DOK5: variants seen among roughly 807,000 people sequenced by gnomAD.
The protein encoded by DOK5 is downstream of tyrosine kinase 5.
A neutral mutation model predicts 43.3 loss-of-function variants in DOK5; 27 were observed. The observed-to-expected ratio is 0.62, with a 90% CI of 0.46 to 0.86. The LOEUF (loss-of-function observed/expected upper bound fraction) is 0.86, where lower values mean the gene tolerates loss of function less well. Ranked by LOEUF, DOK5 falls within the 40% of genes least tolerant of loss-of-function variation. DOK5 has a pLI of 0.00. For synonymous variants in DOK5, 146 were observed against 140.1 expected, an observed-to-expected ratio of 1.04 and a Z score of -0.30; for missense variants, 373 against 392.9, an observed-to-expected ratio of 0.95 and a Z score of 0.43.
In DOK5 at chr20:54,554,793, T is replaced by A. The variant is rs542655310; in HGVS notation, c.67-140T>A. ...GCCCGTTGTGGAAACAATTTTGATT[T>A]TTAAAACTTTATTTTCACAAAGCAA... On this transcript the variant is annotated intron_variant, in intron 1 of 7. Transcript: ENST00000262593. 3.2e-4 allele frequency: 196 copies of A among 608,078 alleles called. 2 individuals are homozygous for A. The African/African-American group carries it at 3.3e-3, about 10-fold the overall frequency. 37.7% of individuals were successfully genotyped at this position (608,078 alleles called of 1,614,324 possible).
chr20:54,641,596 TC>T (rs1408368675), intron 6 of DOK5, among the ~76,000 whole-genome samples: 69 of 151,894 alleles, frequency 4.5e-4, no homozygotes, highest in African/African-American at 1.7e-3. Flanking sequence ...TCTCCATTTT[TC>T]CCCTTTACCT....
chr20:54,519,375 C>G (rs968198734), intron 1 of DOK5, among the ~76,000 whole-genome samples: 6 of 152,062 alleles, frequency 3.9e-5, no homozygotes, highest in Non-Finnish European at 8.8e-5. Flanking sequence ...GGTATTAGAT[C>G]TATTTCTTTT....
chr20:54,502,241 G>A (rs2146679159), intron 1 of DOK5, among the ~76,000 whole-genome samples: 1 of 152,200 alleles, frequency 6.6e-6, no homozygotes, highest in African/African-American at 2.4e-5. Context: ...ATTCATTTGT[G>A]GATCCATGTA....
chr20:54,533,347 G>A (rs904142844), intron 1 of DOK5, among the ~76,000 whole-genome samples: 10 of 152,190 alleles, frequency 6.6e-5, no homozygotes, highest in African/African-American at 2.2e-4. Context: ...TAAAGGAATA[G>A]TATTCTTCAC....
At chr20:54,630,116 G>C (rs1186700538) in intron 6 of DOK5, among the ~76,000 whole-genome samples, 1 of 152,188 alleles carries the variant, frequency 6.6e-6, no homozygotes, top group Non-Finnish European at 1.5e-5. Flanking sequence ...AAACGACTGG[G>C]GGTGCCCAGA....
chr20:54,580,160 C>T (rs1985591890), intron 2 of DOK5, among the ~76,000 whole-genome samples: 3 of 151,944 alleles, frequency 2.0e-5, no homozygotes, highest in Admixed American at 2.0e-4. Flanking sequence ...GTTCCACACA[C>T]AACTTTACAA....
chr20:54,554,215 T>C (rs1039749803), intron 1 of DOK5, among the ~76,000 whole-genome samples: 2 of 152,150 alleles, frequency 1.3e-5, no homozygotes, highest in African/African-American at 2.4e-5. Flanking sequence ...GTATTAGGAA[T>C]TGAAAGATTG....
intron 5 of DOK5, among the ~76,000 whole-genome samples, chr20:54,595,973 C>A (rs1009782976): frequency 2.0e-5 from 3 of 152,142 alleles, no homozygotes; most frequent in Admixed American, 1.3e-4. Flanking sequence ...TGTAGATGAC[C>A]TGGAAGGATG....
At chr20:54,609,511 A>AAT (rs898911857) in intron 5 of DOK5, among the ~76,000 whole-genome samples, 5 of 151,704 alleles carry the variant, frequency 3.3e-5, no homozygotes, top group African/African-American at 1.2e-4. Context: ...CACACACTAA[A>AAT]ATATATATAT....
At chr20:54,627,800 T>TG (rs1978368723) in intron 6 of DOK5, among the ~76,000 whole-genome samples, 1 of 152,224 alleles carries the variant, frequency 6.6e-6, no homozygotes, top group South Asian at 2.1e-4. Context: ...ACTCAGGCGA[T>TG]GCTGAGGTCG....
At chr20:54,525,305 C>A (rs1433435717) in intron 1 of DOK5, among the ~76,000 whole-genome samples, 1 of 152,158 alleles carries the variant, frequency 6.6e-6, no homozygotes, top group Non-Finnish European at 1.5e-5. Context: ...TGGGAATATA[C>A]TAATTGGGTC....
intron 7 of DOK5, among the ~76,000 whole-genome samples, chr20:54,645,438 C>T (rs1169679201): frequency 1.3e-5 from 2 of 150,958 alleles, no homozygotes; most frequent in Admixed American, 1.3e-4. Context: ...TCCTCCATGC[C>T]CGCTCTGAAC....
At chr20:54,571,791 A>G (rs6098093) in intron 2 of DOK5, among the ~76,000 whole-genome samples, 10,295 of 152,192 alleles carry the variant, frequency 0.068, 386 homozygotes, top group Middle Eastern at 0.099. Context: ...GCAGCGTACC[A>G]GCCCCTTTAG....
intron 1 of DOK5, among the ~76,000 whole-genome samples, chr20:54,514,218 CA>C (rs1983113333): frequency 1.3e-5 from 2 of 152,322 alleles, no homozygotes; most frequent in Admixed American, 6.5e-5. Flanking sequence ...TCTGGTTTGA[CA>C]GATGCCAACT....
chr20:54,493,445 TC>T lies in DOK5; in HGVS notation c.66+17434del, dbSNP rs779412053. Among the ~76,000 whole-genome samples, 5 of 152,308 alleles carry T rather than the reference TC, an allele frequency of 3.3e-5. No individual in the cohort carries two copies. The South Asian group carries it at 1.0e-3, about 32-fold the overall frequency. On this transcript the variant is annotated intron_variant, in intron 1 of 7. Coordinates refer to ENST00000262593, the MANE Select transcript of DOK5 (RefSeq NM_018431.5). ...TCTTAGTTTCTCTAATTACTGCTCA[TC>T]TTGAAAATCCAGGAAATCTTTTTCT...
At chr20:54,555,628 A>G (rs1291442818) in intron 2 of DOK5, 1 of 152,374 alleles carries the variant, frequency 6.6e-6, no homozygotes, top group Non-Finnish European at 1.5e-5. Flanking sequence ...ACATGGCAGT[A>G]TATTTCCGTG....
chr20:54,510,489 C>T (rs1374398696), intron 1 of DOK5, among the ~76,000 whole-genome samples: 1 of 152,138 alleles, frequency 6.6e-6, no homozygotes, highest in Non-Finnish European at 1.5e-5. Context: ...CTTTAAACCA[C>T]AGCCAGGCAT....
At chr20:54,527,676 T>C (rs975312923) in intron 1 of DOK5, among the ~76,000 whole-genome samples, 1 of 152,146 alleles carries the variant, frequency 6.6e-6, no homozygotes, top group African/African-American at 2.4e-5. Flanking sequence ...AGAAAGAACA[T>C]TTTAAACAAG....
intron 5 of DOK5, among the ~76,000 whole-genome samples, chr20:54,607,132 C>T (rs1986497330): frequency 6.6e-6 from 1 of 152,216 alleles, no homozygotes. Context: ...ATCTCACCAG[C>T]TTTGTGACCT....
Sources: gnomAD v4.1 joint callset for allele counts (sites outside exome capture counted in the v4.1 genomes callset) on GRCh38, gnomAD v4.1.1 for gene constraint, MANE v1.5 for transcripts, NCBI Gene and HGNC (gene_info 2026-07-23, HGNC 2026-07-21) for gene names.